Variants in ABCB4 observed in about 807,000 individuals in gnomAD.
The protein encoded by ABCB4 is phosphatidylcholine translocator ABCB4.
Under a neutral mutation model 145.7 loss-of-function variants are expected in ABCB4, and 76 were observed. The ratio of observed to expected loss-of-function variants is 0.52; its 90% CI spans 0.43 to 0.63. ABCB4 has a LOEUF of 0.63. Ranked by LOEUF, ABCB4 falls within the 30% of genes least tolerant of loss-of-function variation. The probability of loss-of-function intolerance (pLI) is 0.00; values close to 1 mark genes in which losing one functional copy is unlikely to be tolerated. For missense variants in ABCB4, 1,234 were observed against 1,553.1 expected (o/e 0.79, Z 3.45); for synonymous variants, 517 against 566.8 (o/e 0.91, Z 1.25).
Position 87,418,629 on chromosome 7 carries a change from T to C in ABCB4, c.2395-9A>G. 6.2e-7 allele frequency: 1 copy of C among 1,612,996 alleles called. No individual in the cohort carries two copies. The highest frequency in any genetic ancestry group is 8.5e-7 in the Non-Finnish European group (1 of 1,178,994). ...TCAAACCAGCTCATGTCCTATGGCA[T>C]AAAATACACGTTTATGTTAGTTCAA... On this transcript the variant is annotated splice_polypyrimidine_tract_variant and intron_variant, in intron 19 of 27. Coordinates refer to ENST00000649586, the MANE Select transcript of ABCB4 (RefSeq NM_000443.4).
chr7:87,460,763 G>A (rs1287767307), intron 4 of ABCB4, among the ~76,000 whole-genome samples: 1 of 151,906 alleles, frequency 6.6e-6, no homozygotes, highest in Non-Finnish European at 1.5e-5. Flanking sequence ...CAACTCTCCA[G>A]CCTCAGCTTC....
the ABCB4 span, among the ~76,000 whole-genome samples, chr7:87,373,168 G>A: frequency 2.6e-5 from 4 of 151,968 alleles, no homozygotes; most frequent in South Asian, 4.2e-4. Flanking sequence ...GTGGGATCTC[G>A]TTGTAGTTTA....
intron 4 of ABCB4, 91 bp downstream of exon 4, chr7:87,462,666 TA>T (rs1812540994): frequency 8.5e-7 from 1 of 1,182,446 alleles, no homozygotes; most frequent in Non-Finnish European, 1.3e-6. Context: ...AATCATTAAA[TA>T]AGATGGTAAT....
chr7:87,453,050 G>C lies in ABCB4; in HGVS notation c.430C>G (p.Arg144Gly), dbSNP rs72552780. The C allele has an allele frequency of 6.2e-7, 1 of 1,613,750 alleles. No homozygotes were observed. Among genetic ancestry groups the C allele is most frequent in the Non-Finnish European group, 8.5e-7 (1 of 1,179,968 alleles). Reference sequence around the variant, plus strand: ...TTCTGCCTAATTTTCCTGATCTGTCGACCAGCTGCCAAAGTCCAAAATGAA... The same window carrying C: ...TTCTGCCTAATTTTCCTGATCTGTCCACCAGCTGCCAAAGTCCAAAATGAA... The part of the protein sequence containing the change: ...QVSFWTLAAG[R>G]QIRKIRQKFF... The change falls in exon 6 of 28, where the codon CGA (arginine) becomes GGA (glycine). Residue 144 changes from arginine to glycine, a missense_variant. By Grantham distance (125) the Arg-to-Gly change is moderately radical. Coordinates refer to ENST00000649586, the MANE Select transcript of ABCB4 (RefSeq NM_000443.4).
rs747453583 is a variant in ABCB4 at position 87,406,365 on chromosome 7, G to A, written c.3409C>T (p.Arg1137Trp). Residue 1137 changes from arginine to tryptophan, a missense_variant, in exon 26 of 28, where the codon CGG (arginine) becomes TGG (tryptophan). By Grantham distance (101) the Arg-to-Trp change is moderately radical. Transcript: ENST00000649586. ...ACAATTTCATCCTGTGATACAACCC[G>A]GCTGTTGTCTCCATAGGCAATATTC... ...AENIAYGDNS[R>W]VVSQDEIVSA... 10 of 1,613,848 alleles carry A rather than the reference G, an allele frequency of 6.2e-6. No individual in the cohort carries two copies. In the East Asian group the frequency reaches 8.9e-5, roughly 14 times the overall value.
chr7:87,389,592 G>GAAAA, the ABCB4 span, among the ~76,000 whole-genome samples: 1 of 151,524 alleles, frequency 6.6e-6, no homozygotes, highest in Non-Finnish European at 1.5e-5. Flanking sequence ...ATGGACACAG[G>GAAAA]AAGGGAACAT....
At chr7:87,423,839 G>T (rs1194541653) in intron 17 of ABCB4, 67 bp downstream of exon 17, 7 of 1,597,614 alleles carry the variant, frequency 4.4e-6, no homozygotes, top group Non-Finnish European at 8.6e-7. Context: ...CAGTCAGTGA[G>T]GTTGGGAGAA....
chr7:87,466,828 A>C (rs963718495), intron 3 of ABCB4, among the ~76,000 whole-genome samples: 1 of 151,784 alleles, frequency 6.6e-6, no homozygotes, highest in Non-Finnish European at 1.5e-5. Context: ...GAAATAAAAT[A>C]CTTTACAGAC....
chr7:87,392,545 G>C, the ABCB4 span: 3 of 1,601,182 alleles, frequency 1.9e-6, no homozygotes, highest in East Asian at 6.7e-5. Context: ...TTATTGAAGT[G>C]TCTCTCGATT....
the ABCB4 span, among the ~76,000 whole-genome samples, chr7:87,374,600 A>G: frequency 6.6e-6 from 1 of 152,060 alleles, no homozygotes; most frequent in Non-Finnish European, 1.5e-5. Flanking sequence ...GCAGGAAGAG[A>G]GGCAAAGCAA....
At chr7:87,370,734 T>G in the ABCB4 span, among the ~76,000 whole-genome samples, 5 of 152,282 alleles carry the variant, frequency 3.3e-5, no homozygotes, top group East Asian at 9.6e-4. Flanking sequence ...CCAGGGGCAG[T>G]CATTTAGGTT....
chr7:87,438,764 G>A (rs1158164480), intron 14 of ABCB4, among the ~76,000 whole-genome samples: 1 of 151,956 alleles, frequency 6.6e-6, no homozygotes, highest in Non-Finnish European at 1.5e-5. Context: ...ACAACAAAAA[G>A]AGTCAAGATA....
chr7:87,403,739 C>T (rs528660465), intron 26 of ABCB4, among the ~76,000 whole-genome samples: 32 of 151,954 alleles, frequency 2.1e-4, no homozygotes, highest in African/African-American at 7.5e-4. Context: ...CCATTATAAT[C>T]TTATGGGAAC....
At position 87,431,523 on chromosome 7, in the gene ABCB4, A is replaced by G. The variant is rs1280221721; in HGVS notation, c.1774T>C (p.Ser592Pro). Residue 592 changes from serine to proline, a missense_variant, in exon 15 of 28, where the codon TCT (serine) becomes CCT (proline). Ser to Pro is a moderately conservative substitution (Grantham distance 74, BLOSUM62 -1). Around this residue, in one of 7 missense-constraint regions of ABCB4, gnomAD observed 321 missense variants for 332.6 expected, o/e 0.97. Transcript: ENST00000649586. Reference sequence around the variant, plus strand: ...ATGACATCTGCATTTCGGACCGTAGACAGTCGGTGTGCTATCACAATGGTG... The same window carrying G: ...ATGACATCTGCATTTCGGACCGTAGGCAGTCGGTGTGCTATCACAATGGTG... ...RTTIVIAHRL[S>P]TVRNADVIAG... is the part of the protein sequence containing the mutation. The G allele has an allele frequency of 1.9e-6, 3 of 1,613,950 alleles. No individual in the cohort carries two copies. Among genetic ancestry groups the G allele is most frequent in the Non-Finnish European group, 2.5e-6 (3 of 1,179,978 alleles).
intron 4 of ABCB4, 113 bp from the exon 5 acceptor site, chr7:87,454,705 T>C (rs1811996572): frequency 1.2e-6 from 1 of 814,398 alleles, no homozygotes; most frequent in Non-Finnish European, 2.0e-6. Context: ...AAGATGCTAT[T>C]GTTAAGTTTC....
At position 87,448,290 on chromosome 7, in the gene ABCB4, A is replaced by C. The variant is rs73196479; in HGVS notation, c.834-1085T>G. Among the ~76,000 whole-genome samples, 438 of 152,008 alleles carry C rather than the reference A, an allele frequency of 2.9e-3. 1 individual carries two copies. The highest frequency in any genetic ancestry group is 5.1e-3 in the Non-Finnish European group (349 of 68,006). ...ATATTTTTCTTTGTGACAAAAAAAA[A>C]CAAAAAACAAAACACAGCAACACCA... is the stretch of plus-strand genomic sequence containing the variant. On this transcript the variant is annotated intron_variant, in intron 8 of 27. Transcript: ENST00000649586.
At chr7:87,455,365 C>A (rs1812039041) in intron 4 of ABCB4, among the ~76,000 whole-genome samples, 1 of 152,152 alleles carries the variant, frequency 6.6e-6, no homozygotes. Flanking sequence ...GTTTATTGAG[C>A]ATTTATTAAA....
At position 87,403,215 on chromosome 7, in the gene ABCB4, T is replaced by C. The variant is rs8187811; in HGVS notation, c.3553A>G (p.Ile1185Val). Residue 1185 changes from isoleucine to valine, a missense_variant, in exon 27 of 28, where the codon ATT becomes GTT. By Grantham distance (29) the Ile-to-Val change is conservative (BLOSUM62 3). This residue lies in a region of ABCB4 where 301 missense variants were observed against 389.0 expected (regional missense o/e 0.77). Coordinates refer to ENST00000649586, the MANE Select transcript of ABCB4 (RefSeq NM_000443.4). ...GGTTGTCTGATGAGGGCTCGGGCAA[T>C]AGCAATCCTCTGTTTTTGACCTCCT... ...LSGGQKQRIA[I>V]ARALIRQPQI... The C allele has an allele frequency of 7.7e-5, 125 of 1,613,926 alleles. No individual in the cohort carries two copies. Among genetic ancestry groups the C allele is most frequent in the South Asian group, 2.2e-5 (2 of 91,086 alleles).
At chr7:87,379,278 T>G in the ABCB4 span, among the ~76,000 whole-genome samples, 1 of 152,210 alleles carries the variant, frequency 6.6e-6, no homozygotes, top group Non-Finnish European at 1.5e-5. Context: ...TTCATCACAC[T>G]TTTCCCCCTC....
Sources: gnomAD v4.1 joint callset for allele counts (sites outside exome capture counted in the v4.1 genomes callset) on GRCh38, gnomAD v4.1.1 for gene constraint, gnomAD v4.1.1 regional missense constraint, MANE v1.5 for transcripts, NCBI Gene and HGNC (gene_info 2026-07-23, HGNC 2026-07-21) for gene names.